GABRG3: variants seen among roughly 807,000 people sequenced by gnomAD.
The protein encoded by GABRG3 is gamma-aminobutyric acid type A receptor subunit gamma3.
In GABRG3, 25 loss-of-function variants were observed where a neutral mutation model predicts 48.8. That is an observed-to-expected ratio of 0.51 (90% CI 0.37 to 0.72). The LOEUF (loss-of-function observed/expected upper bound fraction) is 0.72, where lower values mean the gene tolerates loss of function less well. GABRG3 is among the 30% of genes least tolerant of loss of function. The probability of loss-of-function intolerance (pLI) is 0.00; values close to 1 mark genes in which losing one functional copy is unlikely to be tolerated. For missense variants in GABRG3, 394 were observed against 577.9 expected (o/e 0.68, Z 3.26); for synonymous variants, 227 against 217.6 (o/e 1.04, Z -0.38).
At chr15:27,153,155 C>A (rs1783416715) in intron 3 of GABRG3, among the ~76,000 whole-genome samples, 1 of 152,224 alleles carries the variant, frequency 6.6e-6, no homozygotes, top group Non-Finnish European at 1.5e-5. Flanking sequence ...GCCACGGCGC[C>A]TGGCCTGAGT....
In GABRG3 at chr15:27,179,553, AAGC is replaced by A. The variant is rs1219724703; in HGVS notation, c.271-147254_271-147252del. Among the ~76,000 whole-genome samples the A allele has an allele frequency of 3.9e-5, 6 of 152,172 alleles. No homozygotes were observed. Among genetic ancestry groups the A allele is most frequent in the African/African-American group, 1.4e-4 (6 of 41,450 alleles). On this transcript the variant is annotated intron_variant, in intron 3 of 9. Coordinates refer to ENST00000615808, the MANE Select transcript of GABRG3 (RefSeq NM_033223.5). The surrounding 1 kb of genome is among the most constrained non-coding windows in gnomAD (Gnocchi z 4.0). ...CCCATTGGTAGAGTATGAAAACTTTAAGCAAGAACTACCCAAGTGAGCAGTTTC... is the reference window on the plus strand; with the variant it reads ...CCCATTGGTAGAGTATGAAAACTTTAAAGAACTACCCAAGTGAGCAGTTTC...
rs139123208 is a variant in GABRG3 at position 27,109,486 on chromosome 15, A to C, written c.270+82665A>C. Among the ~76,000 whole-genome samples the C allele has an allele frequency of 3.3e-5, 5 of 152,330 alleles. No homozygotes were observed. The East Asian group carries it at 9.6e-4, about 29-fold the overall frequency. On this transcript the variant is annotated intron_variant, in intron 3 of 9. Coordinates refer to ENST00000615808, the MANE Select transcript of GABRG3 (RefSeq NM_033223.5). Reference sequence around the variant, plus strand: ...CCGATCCCCTGTGTTCTACCTAGGCATCCCTTCCTTCTGACAAATCCCTGG... The same window carrying C: ...CCGATCCCCTGTGTTCTACCTAGGCCTCCCTTCCTTCTGACAAATCCCTGG...
At chr15:27,510,396 C>T (rs1890868477) in intron 6 of GABRG3, among the ~76,000 whole-genome samples, 1 of 152,206 alleles carries the variant, frequency 6.6e-6, no homozygotes. Context: ...CACATACACA[C>T]AGCTGCAGTA....
intron 5 of GABRG3, among the ~76,000 whole-genome samples, chr15:27,444,335 T>C (rs958727638): frequency 6.6e-6 from 1 of 152,194 alleles, no homozygotes; most frequent in Admixed American, 6.5e-5. Context: ...CATTGAGGTT[T>C]ATGCAAATTT....
intron 3 of GABRG3, among the ~76,000 whole-genome samples, chr15:27,153,168 G>C (rs1162434300): frequency 6.6e-6 from 1 of 152,094 alleles, no homozygotes; most frequent in African/African-American, 2.4e-5. Context: ...GCCTGAGTTA[G>C]TTTTTGTATA....
chr15:27,274,239 CAA>C (rs1394581592), intron 3 of GABRG3, among the ~76,000 whole-genome samples: 1 of 152,180 alleles, frequency 6.6e-6, no homozygotes, highest in Non-Finnish European at 1.5e-5. Context: ...CTGAGCTACC[CAA>C]AGACTGTGGT....
intron 3 of GABRG3, among the ~76,000 whole-genome samples, chr15:27,258,489 G>T (rs748660184): frequency 1.3e-5 from 2 of 152,018 alleles, no homozygotes; most frequent in Non-Finnish European, 2.9e-5. Context: ...GAGCCGTGGG[G>T]CACACACTGC....
chr15:27,313,683 T>C (rs973263913), intron 3 of GABRG3, among the ~76,000 whole-genome samples: 1 of 151,854 alleles, frequency 6.6e-6, no homozygotes, highest in Non-Finnish European at 1.5e-5. Context: ...AGAAGGAAAA[T>C]GTAAAATCAT....
chr15:27,346,310 A>G (rs986886520), intron 5 of GABRG3, among the ~76,000 whole-genome samples: 1 of 152,150 alleles, frequency 6.6e-6, no homozygotes, highest in Admixed American at 6.5e-5. Flanking sequence ...TCTTTCTCAA[A>G]TGTTAAAATT....
chr15:27,376,031 A>G (rs1477912018), intron 5 of GABRG3, among the ~76,000 whole-genome samples: 1 of 152,254 alleles, frequency 6.6e-6, no homozygotes, highest in Non-Finnish European at 1.5e-5. Context: ...CAATAGGGGT[A>G]CAGGCATTGG....
intron 3 of GABRG3, among the ~76,000 whole-genome samples, chr15:27,144,010 A>G (rs753036513): frequency 3.3e-5 from 5 of 152,204 alleles, no homozygotes; most frequent in Non-Finnish European, 7.3e-5. Flanking sequence ...TGCCATTAAC[A>G]AGCCTTATGA....
intron 5 of GABRG3, among the ~76,000 whole-genome samples, chr15:27,433,068 C>A (rs1465906873): frequency 1.3e-5 from 2 of 152,210 alleles, no homozygotes; most frequent in Non-Finnish European, 2.9e-5. Context: ...CTCTACTGTG[C>A]TCCTCACTTC....
At chr15:26,985,656 C>T (rs1285175265) in intron 2 of GABRG3, among the ~76,000 whole-genome samples, 1 of 151,984 alleles carries the variant, frequency 6.6e-6, no homozygotes, top group Non-Finnish European at 1.5e-5. Flanking sequence ...CCCCCACTTG[C>T]ATTTTTCTGA....
chr15:27,435,077 A>G (rs1288220031), intron 5 of GABRG3, among the ~76,000 whole-genome samples: 1 of 152,030 alleles, frequency 6.6e-6, no homozygotes, highest in East Asian at 1.9e-4. Context: ...TTGAATATGC[A>G]GGACCTGTGC....
At chr15:27,214,357 C>A (rs1008434331) in intron 3 of GABRG3, among the ~76,000 whole-genome samples, 1 of 152,178 alleles carries the variant, frequency 6.6e-6, no homozygotes, top group Non-Finnish European at 1.5e-5. Context: ...ATGGCCGCGT[C>A]GGGTATGCTG....
At chr15:27,233,666 C>G (rs1315776867) in intron 3 of GABRG3, among the ~76,000 whole-genome samples, 3 of 152,158 alleles carry the variant, frequency 2.0e-5, no homozygotes, top group Non-Finnish European at 4.4e-5. Context: ...ACTTTCAACA[C>G]ACGAATTTTG....
intron 3 of GABRG3, among the ~76,000 whole-genome samples, chr15:27,268,338 TCTTA>T (rs1228299527): frequency 6.6e-6 from 1 of 152,226 alleles, no homozygotes. Flanking sequence ...TAAAATATCC[TCTTA>T]TTCTCCTCTT....
intron 3 of GABRG3, among the ~76,000 whole-genome samples, chr15:27,099,073 C>T (rs552695107): frequency 4.7e-4 from 72 of 152,160 alleles, no homozygotes; most frequent in African/African-American, 1.4e-3. Context: ...AATAAGAGAA[C>T]GAAATGAGTT....
intron 5 of GABRG3, among the ~76,000 whole-genome samples, chr15:27,468,143 C>T (rs1302663775): frequency 1.3e-5 from 2 of 152,172 alleles, no homozygotes; most frequent in Non-Finnish European, 2.9e-5. Context: ...TGTCCAGGCT[C>T]TTGACACCAT....
Sources: gnomAD v4.1 joint callset for allele counts (sites outside exome capture counted in the v4.1 genomes callset) on GRCh38, gnomAD v4.1.1 for gene constraint, Gnocchi (gnomAD v3.1) non-coding constraint, MANE v1.5 for transcripts, NCBI Gene and HGNC (gene_info 2026-07-23, HGNC 2026-07-21) for gene names.